PCDHGA5: variants seen among roughly 807,000 people sequenced by gnomAD.
The protein encoded by PCDHGA5 is protocadherin gamma-A5.
A neutral mutation model predicts 56.7 loss-of-function variants in PCDHGA5; 36 were observed. The observed-to-expected ratio is 0.64, with a 90% CI of 0.49 to 0.84. The LOEUF is 0.84. PCDHGA5 is among the 40% of genes least tolerant of loss of function. PCDHGA5 has a pLI of 0.00. For synonymous variants in PCDHGA5, 563 were observed against 520.2 expected, an observed-to-expected ratio of 1.08 and a Z score of -1.12; for missense variants, 1,305 against 1,201.5, an observed-to-expected ratio of 1.09 and a Z score of -1.27.
intron 1 of PCDHGA5, chr5:141,392,318 C>T (rs1213951508): frequency 6.6e-6 from 1 of 152,062 alleles, no homozygotes; most frequent in Non-Finnish European, 1.5e-5. Context: ...TTTTTTAAGA[C>T]CAAATGTATT....
At chr5:141,412,424 C>G (rs1383441983) in intron 1 of PCDHGA5, 1 of 152,136 alleles carries the variant, frequency 6.6e-6, no homozygotes, top group Non-Finnish European at 1.5e-5. Flanking sequence ...ATGTTTTACA[C>G]AAAAAGGTTA....
intron 1 of PCDHGA5, chr5:141,415,608 T>C (rs1391331847): frequency 6.2e-7 from 1 of 1,613,366 alleles, no homozygotes; most frequent in Non-Finnish European, 8.5e-7. Flanking sequence ...CCCCATTGGT[T>C]CCAGTGAGTT....
At chr5:141,430,906 C>A (rs764039566) in intron 1 of PCDHGA5, 2 of 1,606,932 alleles carry the variant, frequency 1.2e-6, no homozygotes, top group Non-Finnish European at 1.7e-6. Flanking sequence ...GCGACATCTC[C>A]AGGGACCTGG....
chr5:141,414,437 C>T (rs1422750138), intron 1 of PCDHGA5: 1 of 1,613,856 alleles, frequency 6.2e-7, no homozygotes, highest in Non-Finnish European at 8.5e-7. Flanking sequence ...CAGGTATCCT[C>T]TTACAATATC....
rs954948864 is a variant in PCDHGA5, at chr5:141,382,821, C to T, written c.2421+16070C>T. On this transcript the variant is annotated intron_variant, in intron 1 of 3. Transcript: ENST00000518069. ...GGATTCTGAGCTCCCCTTCCTAAGACAGAGGGGTCCACCCGGATACACCCG... is the reference window on the plus strand; with the variant it reads ...GGATTCTGAGCTCCCCTTCCTAAGATAGAGGGGTCCACCCGGATACACCCG... 3.1e-6 allele frequency: 4 copies of T among 1,306,294 alleles called. No homozygotes were observed. In the African/African-American group the frequency reaches 5.9e-5, roughly 19 times the overall value. The allele number at this position is 1,306,294 out of a possible 1,614,324, so 80.9% of individuals were successfully genotyped here. A position where few individuals can be genotyped will look rare whatever the true frequency, so the allele number is the denominator to read the frequency against.
chr5:141,441,623 C>T (rs530409184), intron 1 of PCDHGA5: 2 of 224,422 alleles, frequency 8.9e-6, no homozygotes, highest in Non-Finnish European at 1.8e-5. Flanking sequence ...TGGCCAGTGA[C>T]CTGGAGCCAC....
intron 3 of PCDHGA5, among the ~76,000 whole-genome samples, chr5:141,506,349 T>A (rs894933059): frequency 8.0e-5 from 12 of 150,304 alleles, no homozygotes; most frequent in Admixed American, 2.7e-4. Context: ...CTTGGGAGGC[T>A]GAGGCAGGAG....
intron 1 of PCDHGA5, chr5:141,370,538 G>C: frequency 6.2e-7 from 1 of 1,613,906 alleles, no homozygotes; most frequent in Non-Finnish European, 8.5e-7. Flanking sequence ...CGCTGGTAGG[G>C]AACCTCGCCA....
chr5:141,390,016 T>G (rs768656280), intron 1 of PCDHGA5: 2 of 1,613,978 alleles, frequency 1.2e-6, no homozygotes, highest in East Asian at 4.5e-5. Context: ...GCCATTGCCT[T>G]GCGCCTGCGA....
intron 1 of PCDHGA5, chr5:141,423,007 G>A: frequency 6.2e-7 from 1 of 1,614,242 alleles, no homozygotes; most frequent in Non-Finnish European, 8.5e-7. Flanking sequence ...CAAGGTGGTT[G>A]CGGTGGACAA....
At chr5:141,422,110 T>A in intron 1 of PCDHGA5, 1 of 1,606,626 alleles carries the variant, frequency 6.2e-7, no homozygotes, top group South Asian at 1.1e-5. Flanking sequence ...AATATTCCAA[T>A]TGGATTCACA....
intron 1 of PCDHGA5, among the ~76,000 whole-genome samples, chr5:141,381,823 CTTCTT>C (rs1323470445): frequency 1.5e-4 from 15 of 101,616 alleles, no homozygotes; most frequent in African/African-American, 5.6e-4. Context: ...TTTCTTTCTT[CTTCTT>C]TTTTTTTTTT....
At chr5:141,425,173 T>A (rs182492696) in intron 1 of PCDHGA5, among the ~76,000 whole-genome samples, 5 of 152,284 alleles carry the variant, frequency 3.3e-5, no homozygotes, top group Admixed American at 3.3e-4. Context: ...GGATTTATAC[T>A]TGTGGAATTC....
intron 1 of PCDHGA5, among the ~76,000 whole-genome samples, chr5:141,443,726 TAC>T: frequency 6.6e-6 from 1 of 152,262 alleles, no homozygotes; most frequent in Admixed American, 6.5e-5. Flanking sequence ...AAATTCCTCA[TAC>T]ATTTCCCTAT....
At chr5:141,484,857 G>C in intron 1 of PCDHGA5, 1 of 264,370 alleles carries the variant, frequency 3.8e-6, no homozygotes. Flanking sequence ...TTTTTGGGGG[G>C]TGGGGGAGCG....
At chr5:141,403,240 T>A (rs948095468) in intron 1 of PCDHGA5, 2 of 1,613,926 alleles carry the variant, frequency 1.2e-6, no homozygotes, top group Admixed American at 3.3e-5. Flanking sequence ...AGGAGCTCTG[T>A]GCTCAGAGCC....
intron 1 of PCDHGA5, chr5:141,370,780 AC>A: frequency 6.2e-7 from 1 of 1,613,990 alleles, no homozygotes; most frequent in Non-Finnish European, 8.5e-7. Context: ...ATTAACGACA[AC>A]CCACCGACCT....
intron 1 of PCDHGA5, chr5:141,376,511 A>T (rs1772759246): frequency 6.2e-7 from 1 of 1,613,966 alleles, no homozygotes; most frequent in Non-Finnish European, 8.5e-7. Flanking sequence ...ACTTCAGGTG[A>T]GTTTCTTTCC....
intron 1 of PCDHGA5, among the ~76,000 whole-genome samples, chr5:141,455,161 T>G (rs6861291): frequency 0.084 from 8,821 of 104,682 alleles, 480 homozygotes; most frequent in African/African-American, 0.22. Context: ...AGTTTGTTGG[T>G]TTTTTTTTTA....
Sources: allele counts gnomAD v4.1 joint callset (sites outside exome capture counted in the v4.1 genomes callset), GRCh38; gene constraint gnomAD v4.1.1; transcripts MANE v1.5; gene names NCBI Gene and HGNC (gene_info 2026-07-23, HGNC 2026-07-21).